Variants in RAB38 observed in about 807,000 individuals in gnomAD.
RAB38 encodes ras-related protein Rab-38.
In RAB38, 15 loss-of-function variants were observed where a neutral mutation model predicts 18.4. The ratio of observed to expected loss-of-function variants is 0.82; its 90% CI spans 0.55 to 1.26. The LOEUF is 1.26. Among genes scored for constraint, RAB38 ranks in the 50% most tolerant of loss-of-function variants. The probability of loss-of-function intolerance (pLI) is 0.00; values close to 1 mark genes in which losing one functional copy is unlikely to be tolerated. For synonymous variants in RAB38, 101 were observed against 104.4 expected (o/e 0.97, Z 0.20); for missense variants, 294 against 267.4 (o/e 1.10, Z -0.69).
chr11:88,110,363 G>A (rs185218070), downstream of RAB38, among the ~76,000 whole-genome samples: 314 of 152,076 alleles, frequency 2.1e-3, no homozygotes, highest in African/African-American at 7.2e-3. Flanking sequence ...CACACATTGG[G>A]GCCTGTCAGA....
the RAB38 span, among the ~76,000 whole-genome samples, chr11:87,806,149 G>GT: frequency 6.6e-6 from 1 of 152,044 alleles, no homozygotes; most frequent in African/African-American, 2.4e-5. Context: ...TTATGAATAT[G>GT]TTTTTTTGAC....
chr11:87,954,439 A>C, the RAB38 span, among the ~76,000 whole-genome samples: 1 of 152,100 alleles, frequency 6.6e-6, no homozygotes. Context: ...GTCTTCAGGG[A>C]ATTTGTGTGC....
At chr11:87,925,764 T>C in the RAB38 span, among the ~76,000 whole-genome samples, 1 of 152,012 alleles carries the variant, frequency 6.6e-6, no homozygotes, top group Non-Finnish European at 1.5e-5. Context: ...TTCTATGAAG[T>C]TATCCAATTA....
chr11:87,906,721 C>G, the RAB38 span, among the ~76,000 whole-genome samples: 2 of 151,882 alleles, frequency 1.3e-5, no homozygotes, highest in Admixed American at 1.3e-4. Flanking sequence ...TTCATATGTA[C>G]TCTTCCAAAA....
chr11:88,016,508 C>A, the RAB38 span, among the ~76,000 whole-genome samples: 1 of 152,010 alleles, frequency 6.6e-6, no homozygotes, highest in African/African-American at 2.4e-5. Context: ...GAACACAGGC[C>A]GGGGCACAGA....
chr11:88,118,037 C>T (rs189808749), intron 2 of RAB38, among the ~76,000 whole-genome samples: 102 of 152,244 alleles, frequency 6.7e-4, no homozygotes, highest in Non-Finnish European at 7.4e-5. Context: ...CAGCTGTGAG[C>T]TCAGGGAGAA....
chr11:88,033,276 T>C, the RAB38 span, among the ~76,000 whole-genome samples: 1 of 151,850 alleles, frequency 6.6e-6, no homozygotes, highest in Non-Finnish European at 1.5e-5. Context: ...TACCTAATGC[T>C]AGATGACGAG....
chr11:87,869,171 C>T, the RAB38 span, among the ~76,000 whole-genome samples: 1 of 151,692 alleles, frequency 6.6e-6, no homozygotes, highest in African/African-American at 2.4e-5. Flanking sequence ...CTGTCCTTTA[C>T]TGCTGTCTGC....
chr11:88,029,570 G>C, the RAB38 span, among the ~76,000 whole-genome samples: 1 of 152,176 alleles, frequency 6.6e-6, no homozygotes, highest in South Asian at 2.1e-4. Context: ...AAAAGGCAGG[G>C]TTTGCAGTCC....
At chr11:87,896,776 C>T in the RAB38 span, among the ~76,000 whole-genome samples, 1 of 151,466 alleles carries the variant, frequency 6.6e-6, no homozygotes, top group Non-Finnish European at 1.5e-5. Flanking sequence ...CCTGGCTGGT[C>T]TTACCTATGA....
the RAB38 span, among the ~76,000 whole-genome samples, chr11:88,007,249 T>G: frequency 6.6e-6 from 1 of 151,934 alleles, no homozygotes; most frequent in East Asian, 1.9e-4. Flanking sequence ...CAAAGATTTC[T>G]TAGTACACAA....
the RAB38 span, among the ~76,000 whole-genome samples, chr11:87,944,907 C>A: frequency 6.6e-6 from 1 of 152,092 alleles, no homozygotes; most frequent in Non-Finnish European, 1.5e-5. Flanking sequence ...GAAAATCTGA[C>A]AAATCACTCA....
At chr11:87,874,561 A>G in the RAB38 span, among the ~76,000 whole-genome samples, 8 of 151,296 alleles carry the variant, frequency 5.3e-5, no homozygotes, top group Non-Finnish European at 1.0e-4. Flanking sequence ...TGATGAGTTA[A>G]TGGGTGCAGC....
chr11:88,029,947 C>T, the RAB38 span, among the ~76,000 whole-genome samples: 15 of 152,134 alleles, frequency 9.9e-5, no homozygotes, highest in African/African-American at 3.4e-4. Context: ...CACCACACCA[C>T]ACCTATTCCA....
At chr11:88,128,472 G>C (rs1251259860) in intron 2 of RAB38, among the ~76,000 whole-genome samples, 1 of 152,198 alleles carries the variant, frequency 6.6e-6, no homozygotes, top group Non-Finnish European at 1.5e-5. Flanking sequence ...GCAAAAATCA[G>C]AAACCCATTG....
chr11:87,896,377 T>G, the RAB38 span, among the ~76,000 whole-genome samples: 1 of 151,556 alleles, frequency 6.6e-6, no homozygotes, highest in African/African-American at 2.4e-5. Flanking sequence ...ACCATCCAAT[T>G]TGAAATCTGG....
chr11:88,092,340 GA>G, the RAB38 span, among the ~76,000 whole-genome samples: 4,463 of 42,806 alleles, frequency 0.1, 1,696 homozygotes, highest in Admixed American at 0.16. Flanking sequence ...GAGAGAGAGA[GA>G]GAGAGGGAGG....
chr11:88,043,061 A>G, the RAB38 span, among the ~76,000 whole-genome samples: 2 of 152,224 alleles, frequency 1.3e-5, no homozygotes, highest in East Asian at 3.9e-4. Context: ...ACTGGAAAAG[A>G]GCCTATGCAA....
At chr11:88,028,182 G>A in the RAB38 span, among the ~76,000 whole-genome samples, 2 of 152,038 alleles carry the variant, frequency 1.3e-5, no homozygotes, top group African/African-American at 4.8e-5. Context: ...TCTGTTAGAA[G>A]GAAAACTAAC....
Sources: gnomAD v4.1 joint callset for allele counts (sites outside exome capture counted in the v4.1 genomes callset) on GRCh38, gnomAD v4.1.1 for gene constraint, MANE v1.5 for transcripts, NCBI Gene and HGNC (gene_info 2026-07-23, HGNC 2026-07-21) for gene names.